PLXNA2: variants seen among roughly 807,000 people sequenced by gnomAD.
The protein encoded by PLXNA2 is plexin-A2.
PLXNA2 carries 91 observed loss-of-function variants against 193.5 expected under a neutral mutation model. The observed-to-expected ratio is 0.47, with a 90% CI of 0.40 to 0.56. PLXNA2 has a LOEUF of 0.56. PLXNA2 is among the 20% of genes least tolerant of loss of function. The probability of loss-of-function intolerance (pLI) is 0.00; values close to 1 mark genes in which losing one functional copy is unlikely to be tolerated. For missense variants in PLXNA2, 1,995 were observed against 2,503.2 expected (o/e 0.80, Z 4.33); for synonymous variants, 997 against 1,027.3 (o/e 0.97, Z 0.56).
chr1:208,088,847 G>C (rs2498025), intron 9 of PLXNA2, among the ~76,000 whole-genome samples: 2 of 152,056 alleles, frequency 1.3e-5, no homozygotes, highest in Non-Finnish European at 2.9e-5. Flanking sequence ...GTGTGTGTGC[G>C]TGTGAGTGTG....
rs770107131 is a variant in PLXNA2, at chr1:208,043,117, C to T, written c.3961G>A (p.Ala1321Thr). Reference sequence around the variant, plus strand: ...ATGCCCGGGAACAGGACTCGCATAGCGTAGGTACGATAGTCCAGGTAAGGG... The same window carrying T: ...ATGCCCGGGAACAGGACTCGCATAGTGTAGGTACGATAGTCCAGGTAAGGG... ...GIPYLDYRTY[A>T]MRVLFPGIED... Residue 1321 changes from alanine to threonine, a missense_variant, in exon 21 of 32, where the codon GCT (alanine) becomes ACT (threonine). Coordinates refer to ENST00000367033, the MANE Select transcript of PLXNA2 (RefSeq NM_025179.4). The T allele has an allele frequency of 8.1e-6, 13 of 1,614,126 alleles. No individual in the cohort carries two copies. The Admixed American group carries it at 1.0e-4, about 12-fold the overall frequency.
chr1:208,232,114 C>T (rs575103965), intron 1 of PLXNA2, among the ~76,000 whole-genome samples: 7 of 152,190 alleles, frequency 4.6e-5, no homozygotes, highest in East Asian at 3.9e-4. Context: ...CCAGTTCTGG[C>T]GGGTGGGAAG....
rs1280594391 is a variant in PLXNA2, at chr1:208,108,144, T to C, written c.1507-4897A>G. ...AGGGAGTGCAGAGTGTGGGGCAGTT[T>C]TCCTTCCCTGACCAACTCTCTCAAT... On this transcript the variant is annotated intron_variant, in intron 4 of 31. Transcript: ENST00000367033. 3.3e-5 allele frequency among the ~76,000 whole-genome samples: 5 copies of C among 152,038 alleles called. No homozygotes were observed. In the East Asian group the frequency reaches 7.7e-4, roughly 23 times the overall value.
intron 3 of PLXNA2, among the ~76,000 whole-genome samples, chr1:208,184,697 G>A (rs531545923): frequency 8.1e-4 from 124 of 152,242 alleles, no homozygotes; most frequent in Non-Finnish European, 1.2e-3. Flanking sequence ...TTGAGCCTGC[G>A]CTGCTTTACT....
At chr1:208,096,936 C>G in intron 6 of PLXNA2, 53 bp from the exon 7 acceptor site, 4 of 1,551,954 alleles carry the variant, frequency 2.6e-6, no homozygotes, top group Non-Finnish European at 3.5e-6. Context: ...GAGACCTGGA[C>G]TCCAGGTCCA....
rs528761057 is a variant in PLXNA2, at chr1:208,141,798, G to A, written c.1506+531C>T. On this transcript the variant is annotated intron_variant, in intron 4 of 31. Transcript: ENST00000367033. ...ACTTGCTCAGCTGTTTCCCTACAGAGGGTAGAAGTCTATTTCTCAGGGCTT... is the reference window on the plus strand; with the variant it reads ...ACTTGCTCAGCTGTTTCCCTACAGAAGGTAGAAGTCTATTTCTCAGGGCTT... 2.0e-5 allele frequency among the ~76,000 whole-genome samples: 3 copies of A among 152,336 alleles called. No homozygotes were observed. The South Asian group carries it at 6.2e-4, about 32-fold the overall frequency.
At chr1:208,187,690 A>G (rs1282914305) in intron 3 of PLXNA2, among the ~76,000 whole-genome samples, 1 of 152,160 alleles carries the variant, frequency 6.6e-6, no homozygotes, top group African/African-American at 2.4e-5. Flanking sequence ...TAGCACAATG[A>G]CCAGGATCTT....
At chr1:208,203,182 C>G (rs1272763275) in intron 3 of PLXNA2, among the ~76,000 whole-genome samples, 2 of 152,198 alleles carry the variant, frequency 1.3e-5, no homozygotes, top group African/African-American at 2.4e-5. Context: ...AAGACCAGTT[C>G]TGGGGACCCA....
At chr1:208,113,663 C>G (rs1667557967) in intron 4 of PLXNA2, among the ~76,000 whole-genome samples, 1 of 151,380 alleles carries the variant, frequency 6.6e-6, no homozygotes. Context: ...AATCCTCCCA[C>G]CTCAGCCTCC....
chr1:208,064,609 AG>A (rs1221451437), intron 12 of PLXNA2, among the ~76,000 whole-genome samples: 2 of 152,344 alleles, frequency 1.3e-5, no homozygotes, highest in East Asian at 3.9e-4. Flanking sequence ...AAAGGAACAG[AG>A]AGAGGCACCC....
At chr1:208,130,899 G>A (rs1668127408) in intron 4 of PLXNA2, among the ~76,000 whole-genome samples, 1 of 152,222 alleles carries the variant, frequency 6.6e-6, no homozygotes, top group Non-Finnish European at 1.5e-5. Flanking sequence ...ACATATTTCT[G>A]TAAATGAGTA....
chr1:208,066,507 T>C (rs1665799623), intron 12 of PLXNA2, among the ~76,000 whole-genome samples: 1 of 152,236 alleles, frequency 6.6e-6, no homozygotes, highest in Non-Finnish European at 1.5e-5. Context: ...TCCTACCACC[T>C]TGTGGCATTG....
intron 3 of PLXNA2, among the ~76,000 whole-genome samples, chr1:208,163,204 G>A (rs138073308): frequency 3.3e-5 from 5 of 152,252 alleles, no homozygotes; most frequent in African/African-American, 1.2e-4. Context: ...TGTAGGGAGG[G>A]ATAAACTGTT....
At chr1:208,103,062 T>TCTCC (rs2102417896) in intron 5 of PLXNA2, 85 bp downstream of exon 5, 1 of 938,826 alleles carries the variant, frequency 1.1e-6, no homozygotes, top group Non-Finnish European at 1.7e-6. Context: ...TTCCTCTCTC[T>TCTCC]GCAAAGTACT....
At chr1:208,148,701 T>A (rs1668669724) in intron 3 of PLXNA2, among the ~76,000 whole-genome samples, 1 of 152,170 alleles carries the variant, frequency 6.6e-6, no homozygotes, top group Non-Finnish European at 1.5e-5. Context: ...GGACAATTTG[T>A]CTGGTCTTCA....
intron 4 of PLXNA2, among the ~76,000 whole-genome samples, chr1:208,103,533 C>A (rs1001909252): frequency 5.3e-5 from 8 of 152,222 alleles, no homozygotes; most frequent in Admixed American, 5.2e-4. Context: ...CTCCCGAGAG[C>A]TGGGCAAGCC....
intron 3 of PLXNA2, among the ~76,000 whole-genome samples, chr1:208,155,361 G>A (rs961955388): frequency 3.9e-5 from 6 of 152,152 alleles, no homozygotes; most frequent in African/African-American, 1.4e-4. Context: ...AGAGAAGGCA[G>A]CTCGGGGCAA....
At chr1:208,160,500 T>G (rs1669077386) in intron 3 of PLXNA2, among the ~76,000 whole-genome samples, 1 of 152,198 alleles carries the variant, frequency 6.6e-6, no homozygotes, top group African/African-American at 2.4e-5. Flanking sequence ...TATCTGATAC[T>G]CAACAGCATC....
intron 12 of PLXNA2, among the ~76,000 whole-genome samples, chr1:208,077,427 G>A (rs1666195312): frequency 6.6e-6 from 1 of 152,224 alleles, no homozygotes; most frequent in South Asian, 2.1e-4. Flanking sequence ...TTCCCAGTGA[G>A]AAGCTTGCCT....
Sources: allele counts gnomAD v4.1 joint callset (sites outside exome capture counted in the v4.1 genomes callset), GRCh38; gene constraint gnomAD v4.1.1; transcripts MANE v1.5; gene names NCBI Gene and HGNC (gene_info 2026-07-23, HGNC 2026-07-21).